The following NRXN3 variants were observed in gnomAD, a reference collection of about 807,000 sequenced individuals.
NRXN3 encodes neurexin III.
Under a neutral mutation model 137.6 loss-of-function variants are expected in NRXN3, and 32 were observed. That is an observed-to-expected ratio of 0.23 (90% CI 0.18 to 0.31). The LOEUF is 0.31. Ranked by LOEUF, NRXN3 falls within the 10% of genes least tolerant of loss-of-function variation. The probability of loss-of-function intolerance (pLI) is 1.00; values close to 1 mark genes in which losing one functional copy is unlikely to be tolerated. For missense variants in NRXN3, 1,574 were observed against 2,062.5 expected, an observed-to-expected ratio of 0.76 and a Z score of 4.59; for synonymous variants, 798 against 784.5, an observed-to-expected ratio of 1.02 and a Z score of -0.29.
chr14:78,498,335 G>A (rs1464180208), intron 4 of NRXN3, among the ~76,000 whole-genome samples: 1 of 152,110 alleles, frequency 6.6e-6, no homozygotes, highest in East Asian at 1.9e-4. Flanking sequence ...ATTTCTTACT[G>A]GGACTGGCTC....
At chr14:79,068,113 G>A (rs1042720876) in intron 15 of NRXN3, among the ~76,000 whole-genome samples, 9 of 151,960 alleles carry the variant, frequency 5.9e-5, no homozygotes, top group Non-Finnish European at 1.2e-4. Context: ...TGGATATCTG[G>A]AAGTAAGCAC....
chr14:78,460,886 G>C (rs2094903395), intron 4 of NRXN3, among the ~76,000 whole-genome samples: 1 of 151,990 alleles, frequency 6.6e-6, no homozygotes, highest in Non-Finnish European at 1.5e-5. Flanking sequence ...CATTCTGCCT[G>C]CTCCTTCCCT....
intron 10 of NRXN3, among the ~76,000 whole-genome samples, chr14:78,867,869 G>A (rs1405547157): frequency 6.6e-6 from 1 of 151,398 alleles, no homozygotes; most frequent in Non-Finnish European, 1.5e-5. Context: ...ATTTCTGAAG[G>A]CTCCTGTGTA....
intron 20 of NRXN3, among the ~76,000 whole-genome samples, chr14:79,836,804 C>CCA (rs1381670967): frequency 2.6e-5 from 4 of 152,026 alleles, no homozygotes; most frequent in African/African-American, 4.8e-5. Context: ...TACATAGCAC[C>CCA]CACACACACA....
At chr14:79,036,383 C>T (rs1329839848) in intron 15 of NRXN3, among the ~76,000 whole-genome samples, 1 of 151,826 alleles carries the variant, frequency 6.6e-6, no homozygotes, top group Non-Finnish European at 1.5e-5. Context: ...AGATACTTCA[C>T]CATGGTGCTG....
chr14:79,541,360 T>A (rs1834245), intron 16 of NRXN3, among the ~76,000 whole-genome samples: 1 of 152,098 alleles, frequency 6.6e-6, no homozygotes, highest in African/African-American at 2.4e-5. Context: ...GCCAAGATTG[T>A]GCCATTGCAC....
At chr14:78,461,162 G>A (rs1161718143) in intron 4 of NRXN3, among the ~76,000 whole-genome samples, 5 of 152,188 alleles carry the variant, frequency 3.3e-5, no homozygotes, top group Admixed American at 3.3e-4. Context: ...TACAACTCTT[G>A]TGAGTCTTAT....
chr14:78,735,813 T>C (rs2098538653), intron 8 of NRXN3, among the ~76,000 whole-genome samples: 1 of 152,174 alleles, frequency 6.6e-6, no homozygotes, highest in Non-Finnish European at 1.5e-5. Context: ...TCTGTTAGAA[T>C]TGAAAGACCT....
chr14:79,350,966 T>C (rs2093177833), intron 15 of NRXN3, among the ~76,000 whole-genome samples: 1 of 152,146 alleles, frequency 6.6e-6, no homozygotes, highest in South Asian at 2.1e-4. Context: ...ATTATAATCC[T>C]CAATTTACAG....
chr14:79,786,354 T>C (rs2140200890), intron 19 of NRXN3, among the ~76,000 whole-genome samples: 1 of 152,332 alleles, frequency 6.6e-6, no homozygotes, highest in Middle Eastern at 3.4e-3. Flanking sequence ...CATTTTATGA[T>C]ATAAATAGAG....
At chr14:79,448,289 G>A (rs2096100270) in intron 15 of NRXN3, among the ~76,000 whole-genome samples, 1 of 152,076 alleles carries the variant, frequency 6.6e-6, no homozygotes, top group Non-Finnish European at 1.5e-5. Context: ...CCCCTCAGAG[G>A]GGCCTGCCCT....
chr14:78,958,430 A>G (rs896960675), intron 11 of NRXN3, among the ~76,000 whole-genome samples: 11 of 148,398 alleles, frequency 7.4e-5, no homozygotes, highest in Admixed American at 4.1e-4. Flanking sequence ...ATCTTGGCTC[A>G]CTGCAAGCTC....
Position 78,709,254 on chromosome 14 carries a change from C to G in NRXN3, c.1259C>G (p.Ser420Cys), listed in dbSNP as rs1314633912. 1 of 1,613,914 alleles carries G rather than the reference C, an allele frequency of 6.2e-7. No individual in the cohort carries two copies. The highest frequency in any genetic ancestry group is 1.3e-5 in the African/African-American group (1 of 74,916). The change falls in exon 7 of 21, where the codon TCT becomes TGT. Residue 420 changes from serine to cysteine, a missense_variant. Transcript: ENST00000335750. ...YKNNDIRLEL[S>C]RLARIADTKM... ...AATAATGACATCCGTCTGGAGCTGT[C>G]TCGCCTGGCCCGGATTGCGGACACC...
intron 15 of NRXN3, among the ~76,000 whole-genome samples, chr14:79,069,528 T>C (rs540375739): frequency 3.2e-4 from 46 of 144,384 alleles, no homozygotes; most frequent in African/African-American, 1.1e-3. Context: ...ACTAGGTAGA[T>C]AAAAGAAATA....
intron 4 of NRXN3, among the ~76,000 whole-genome samples, chr14:78,440,252 T>G (rs1247994285): frequency 6.6e-6 from 1 of 152,172 alleles, no homozygotes; most frequent in African/African-American, 2.4e-5. Flanking sequence ...AACCAGACAT[T>G]GGGCTCCAGG....
At chr14:79,154,091 T>C (rs1358386996) in intron 15 of NRXN3, among the ~76,000 whole-genome samples, 4 of 151,980 alleles carry the variant, frequency 2.6e-5, no homozygotes, top group African/African-American at 7.2e-5. Flanking sequence ...TGACTTTTAC[T>C]TTACTTAATT....
chr14:79,590,068 A>G (rs1567592565), intron 16 of NRXN3, among the ~76,000 whole-genome samples: 4 of 151,722 alleles, frequency 2.6e-5, no homozygotes. Flanking sequence ...TTTTTCCCCC[A>G]TTACTTTGTA....
chr14:79,325,752 G>A (rs1162168481), intron 15 of NRXN3, among the ~76,000 whole-genome samples: 2 of 152,124 alleles, frequency 1.3e-5, no homozygotes, highest in Non-Finnish European at 2.9e-5. Context: ...TCAGCATGCA[G>A]CGCTGTAGGC....
chr14:79,663,772 T>C lies in NRXN3; in HGVS notation c.3445-6T>C, dbSNP rs779346010. ...TAACTATGCCTTTTGTGTTTCTTTA[T>C]TATAGGAACAGGGGAAAATTGGAGT... On this transcript the variant is annotated splice_polypyrimidine_tract_variant and splice_region_variant and intron_variant, in intron 16 of 20. Coordinates refer to ENST00000335750, the MANE Select transcript of NRXN3 (RefSeq NM_001330195.2). 11 of 1,611,462 alleles carry C rather than the reference T, an allele frequency of 6.8e-6. No individual in the cohort carries two copies. Among genetic ancestry groups the C allele is most frequent in the Non-Finnish European group, 9.3e-6 (11 of 1,178,638 alleles).
Sources: allele counts gnomAD v4.1 joint callset (sites outside exome capture counted in the v4.1 genomes callset), GRCh38; gene constraint gnomAD v4.1.1; transcripts MANE v1.5; gene names NCBI Gene and HGNC (gene_info 2026-07-23, HGNC 2026-07-21).